Variants in ZNF33A observed in about 807,000 individuals in gnomAD.
ZNF33A encodes brain my041 protein.
In ZNF33A, 9 loss-of-function variants were observed where a neutral mutation model predicts 15.9. That is an observed-to-expected ratio of 0.57 (90% CI 0.34 to 0.99). The LOEUF is 0.99. ZNF33A is among the 50% of genes least tolerant of loss of function. The pLI, the probability that ZNF33A is intolerant of heterozygous loss-of-function variation, is 0.02. For synonymous variants in ZNF33A, 294 were observed against 324.2 expected, an observed-to-expected ratio of 0.91 and a Z score of 1.00; for missense variants, 843 against 941.6, an observed-to-expected ratio of 0.90 and a Z score of 1.37.
intron 4 of ZNF33A, among the ~76,000 whole-genome samples, chr10:38,042,049 AAGAT>A (rs1326856255): frequency 6.6e-6 from 1 of 152,212 alleles, no homozygotes; most frequent in Non-Finnish European, 1.5e-5. Flanking sequence ...AGCTGAAAGA[AAGAT>A]AGGAAGTATC....
intron 4 of ZNF33A, among the ~76,000 whole-genome samples, chr10:38,048,675 T>C (rs2066064858): frequency 1.3e-5 from 2 of 152,140 alleles, no homozygotes; most frequent in Admixed American, 6.5e-5. Flanking sequence ...GGAATACCAG[T>C]GATAAAGATT....
chr10:38,026,665 A>T (rs2065004726), intron 4 of ZNF33A, among the ~76,000 whole-genome samples: 1 of 152,176 alleles, frequency 6.6e-6, no homozygotes, highest in Admixed American at 6.5e-5. Context: ...CGTGCATTTT[A>T]TGTCATAGGT....
At chr10:38,027,552 T>C (rs1473567702) in intron 4 of ZNF33A, among the ~76,000 whole-genome samples, 3 of 151,596 alleles carry the variant, frequency 2.0e-5, no homozygotes, top group South Asian at 2.1e-4. Context: ...GGAAACGGCA[T>C]GTTGCTCATG....
At chr10:38,022,681 A>G (rs2064806934) in intron 4 of ZNF33A, among the ~76,000 whole-genome samples, 1 of 141,376 alleles carries the variant, frequency 7.1e-6, no homozygotes, top group Admixed American at 7.1e-5. Flanking sequence ...AAAAAAAATG[A>G]CAACATGGAA....
intron 2 of ZNF33A, among the ~76,000 whole-genome samples, chr10:38,015,138 G>A (rs1281990514): frequency 6.6e-6 from 1 of 152,016 alleles, no homozygotes; most frequent in Non-Finnish European, 1.5e-5. Flanking sequence ...ACCTCCCAAA[G>A]TACTAGGATT....
intron 4 of ZNF33A, among the ~76,000 whole-genome samples, chr10:38,037,075 T>C (rs977196371): frequency 6.6e-6 from 1 of 152,224 alleles, no homozygotes; most frequent in African/African-American, 2.4e-5. Context: ...AAAGAGTTTT[T>C]CATTCCATGA....
intron 4 of ZNF33A, 28 bp from the exon 5 acceptor site, chr10:38,054,346 GT>G: frequency 1.3e-6 from 2 of 1,499,818 alleles, no homozygotes; most frequent in Middle Eastern, 2.4e-4. Flanking sequence ...TGGTATTTAT[GT>G]GGTAAGATTA....
chr10:38,014,067 G>A (rs2064332065), intron 2 of ZNF33A, among the ~76,000 whole-genome samples: 1 of 89,354 alleles, frequency 1.1e-5, no homozygotes, highest in Non-Finnish European at 2.2e-5. Flanking sequence ...TTTTTTTGGA[G>A]AGAGTCTCAC....
chr10:38,036,011 A>T (rs868017750), intron 4 of ZNF33A, among the ~76,000 whole-genome samples: 1 of 152,234 alleles, frequency 6.6e-6, no homozygotes, highest in Non-Finnish European at 1.5e-5. Flanking sequence ...TTAAAAGCAT[A>T]TGAAGACCTT....
rs1383463784 is a variant in ZNF33A at position 38,055,846 on chromosome 10, A to C, written c.1722A>C (p.Thr574=). The change falls in exon 5 of 5, where the codon ACA becomes ACC. Residue 574 remains threonine (T), a synonymous_variant. Transcript: ENST00000432900. Reference sequence around the variant, plus strand: ...CAACCCTCTCTCAACATTATAGAACACACACAGGGGAGAAACCCTACGAAT... The same window carrying C: ...CAACCCTCTCTCAACATTATAGAACCCACACAGGGGAGAAACCCTACGAAT... ...HKSTLSQHYR[T]HTGEKPYECH... The C allele has an allele frequency of 1.1e-5, 17 of 1,613,966 alleles. No homozygotes were observed. Among genetic ancestry groups the C allele is most frequent in the Non-Finnish European group, 1.4e-5 (17 of 1,179,992 alleles).
chr10:38,055,204 T>C lies in ZNF33A; in HGVS notation c.1080T>C (p.Asn360=), dbSNP rs777686210. 7.4e-6 allele frequency: 12 copies of C among 1,614,008 alleles called. No homozygotes were observed. The highest frequency in any genetic ancestry group is 1.0e-5 in the Non-Finnish European group (12 of 1,180,006). ...CAGGACAGAAACCCTTTCAATGTAA[T>C]GAATGTGAAAAAGCTTTCTGGGATA... ...VHTGQKPFQC[N]ECEKAFWDKS... Residue 360 remains asparagine (N), a synonymous_variant, in exon 5 of 5, where the codon AAT becomes AAC. Transcript: ENST00000432900.
At chr10:38,039,596 T>C (rs1209089962) in intron 4 of ZNF33A, 1 of 453,322 alleles carries the variant, frequency 2.2e-6, no homozygotes, top group Admixed American at 2.4e-5. Context: ...ATTTTTCTTT[T>C]TCTACTTGAG....
intron 2 of ZNF33A, among the ~76,000 whole-genome samples, chr10:38,013,409 G>A (rs550205798): frequency 6.6e-6 from 1 of 151,508 alleles, no homozygotes; most frequent in South Asian, 2.1e-4. Context: ...GCACCCAGCC[G>A]GTAAATTAAA....
At chr10:38,018,715 G>T (rs968647601) in intron 4 of ZNF33A, among the ~76,000 whole-genome samples, 22 of 152,106 alleles carry the variant, frequency 1.4e-4, no homozygotes, top group Non-Finnish European at 2.8e-4. Flanking sequence ...ATGTAGTTTG[G>T]TTCTCTCAGT....
intron 4 of ZNF33A, among the ~76,000 whole-genome samples, chr10:38,018,007 T>C (rs778468612): frequency 2.6e-5 from 4 of 152,110 alleles, no homozygotes; most frequent in Non-Finnish European, 4.4e-5. Flanking sequence ...GGCAGGAGAA[T>C]CACTTGAACC....
rs752453877 is a variant in ZNF33A, at chr10:38,010,779, G to C, written c.-49G>C. On this transcript the variant is annotated 5_prime_UTR_variant, in exon 1 of 5. Coordinates refer to ENST00000432900, the MANE Select transcript of ZNF33A (RefSeq NM_006954.2). ...ATGGCGAATGCAACCCGACGAGGGA[G>C]TGGGGTAAGCCCCAGTGGGTTGGGC... 28 of 1,598,372 alleles carry C rather than the reference G, an allele frequency of 1.8e-5. No homozygotes were observed. The African/African-American group carries it at 3.2e-4, about 18-fold the overall frequency.
At chr10:38,045,299 G>C (rs1396021038) in intron 4 of ZNF33A, among the ~76,000 whole-genome samples, 1 of 152,124 alleles carries the variant, frequency 6.6e-6, no homozygotes, top group Non-Finnish European at 1.5e-5. Flanking sequence ...CACTATCTTT[G>C]GGATGGCAGT....
intron 1 of ZNF33A, among the ~76,000 whole-genome samples, chr10:38,011,920 A>G (rs1463547811): frequency 2.0e-5 from 3 of 152,182 alleles, no homozygotes; most frequent in Admixed American, 2.0e-4. Context: ...ATTTTTTACA[A>G]TGGTTTTAGT....
chr10:38,039,913 T>G (rs1050674252), intron 4 of ZNF33A, among the ~76,000 whole-genome samples: 2 of 151,636 alleles, frequency 1.3e-5, no homozygotes, highest in African/African-American at 4.8e-5. Context: ...TTCTGCTTGA[T>G]TTGGTTTTGT....
Sources: allele counts gnomAD v4.1 joint callset (sites outside exome capture counted in the v4.1 genomes callset), GRCh38; gene constraint gnomAD v4.1.1; transcripts MANE v1.5; gene names NCBI Gene and HGNC (gene_info 2026-07-23, HGNC 2026-07-21).